Variants in CRPPA observed in about 807,000 individuals in gnomAD.
CRPPA encodes the protein CDP-L-ribitol pyrophosphorylase A.
Under a neutral mutation model 52.0 loss-of-function variants are expected in CRPPA, and 43 were observed. The observed-to-expected ratio is 0.83, with a 90% CI of 0.65 to 1.07. The LOEUF (loss-of-function observed/expected upper bound fraction) is 1.07, where lower values mean the gene tolerates loss of function less well. Among genes scored for constraint, CRPPA ranks in the 50% least tolerant of loss-of-function variants. The pLI is 0.00. For synonymous variants in CRPPA, 250 were observed against 203.5 expected (o/e 1.23, Z -1.94); for missense variants, 629 against 551.7 (o/e 1.14, Z -1.40).
At chr7:16,160,618 T>A (rs1432778489) in intron 9 of CRPPA, among the ~76,000 whole-genome samples, 4 of 152,156 alleles carry the variant, frequency 2.6e-5, no homozygotes, top group Admixed American at 6.5e-5. Context: ...GCTTTGTTCT[T>A]TTTGCTTAGG....
chr7:16,133,323 A>T (rs1782711336), intron 9 of CRPPA, among the ~76,000 whole-genome samples: 1 of 122,688 alleles, frequency 8.2e-6, no homozygotes, highest in African/African-American at 2.6e-5. Flanking sequence ...TCTCAAAAAA[A>T]AAAAAGGTAA....
intron 3 of CRPPA, among the ~76,000 whole-genome samples, chr7:16,334,693 G>T (rs937713225): frequency 2.6e-5 from 4 of 152,120 alleles, no homozygotes; most frequent in African/African-American, 7.2e-5. Context: ...TTGAGCCAGT[G>T]ATCTTACCAG....
intron 8 of CRPPA, among the ~76,000 whole-genome samples, chr7:16,241,741 A>G (rs1783112786): frequency 6.6e-6 from 1 of 152,044 alleles, no homozygotes; most frequent in African/African-American, 2.4e-5. Flanking sequence ...ACTTTATTTT[A>G]CTTTTTGGAT....
intron 9 of CRPPA, among the ~76,000 whole-genome samples, chr7:16,096,012 G>C: frequency 6.6e-6 from 1 of 152,050 alleles, no homozygotes; most frequent in East Asian, 1.9e-4. Context: ...AAGACGCCTT[G>C]GTGAACACCC....
chr7:16,339,429 C>A, intron 3 of CRPPA, among the ~76,000 whole-genome samples: 1 of 151,966 alleles, frequency 6.6e-6, no homozygotes, highest in Non-Finnish European at 1.5e-5. Context: ...TAACAATAAG[C>A]TGAAGGAGAA....
intron 1 of CRPPA, among the ~76,000 whole-genome samples, chr7:16,406,926 T>G (rs551280068): frequency 5.3e-5 from 8 of 152,302 alleles, no homozygotes; most frequent in Admixed American, 4.6e-4. Context: ...TTACAATTCA[T>G]GAAATAGGAT....
chr7:16,308,914 G>T (rs1784975502), intron 3 of CRPPA, among the ~76,000 whole-genome samples: 1 of 152,138 alleles, frequency 6.6e-6, no homozygotes, highest in South Asian at 2.1e-4. Context: ...GTAATACTTT[G>T]TTTCCTTTGC....
chr7:16,320,138 C>G (rs575177250), intron 3 of CRPPA, among the ~76,000 whole-genome samples: 22 of 152,174 alleles, frequency 1.4e-4, no homozygotes, highest in Non-Finnish European at 2.8e-4. Flanking sequence ...TAATCCCTTT[C>G]TAGTAGCTTT....
intron 5 of CRPPA, among the ~76,000 whole-genome samples, chr7:16,291,850 T>A (rs1018428652): frequency 6.6e-6 from 1 of 152,022 alleles, no homozygotes. Context: ...ACATACCAAT[T>A]TTTAAAAATC....
At chr7:16,315,561 T>C (rs1395816555) in intron 3 of CRPPA, among the ~76,000 whole-genome samples, 1 of 152,096 alleles carries the variant, frequency 6.6e-6, no homozygotes, top group Non-Finnish European at 1.5e-5. Context: ...GTTTAGGCCT[T>C]TATAAGACAA....
At chr7:16,312,362 T>C (rs1785052941) in intron 3 of CRPPA, among the ~76,000 whole-genome samples, 1 of 152,008 alleles carries the variant, frequency 6.6e-6, no homozygotes, top group African/African-American at 2.4e-5. Context: ...AGTATCATTT[T>C]GGGGGTTGCT....
At chr7:16,139,341 C>A (rs1782823002) in intron 9 of CRPPA, among the ~76,000 whole-genome samples, 1 of 152,144 alleles carries the variant, frequency 6.6e-6, no homozygotes, top group Admixed American at 6.5e-5. Context: ...CCTACCTGTT[C>A]ATGCCAGAAT....
Position 16,301,419 on chromosome 7 carries a change from A to G in CRPPA, c.835+2T>C, listed in dbSNP as rs773325665. ...AACTGACAGTCATAAGGCCAAACAT[A>G]CCCTTAATAATCGATTCAGCCGCAT... On this transcript the variant is annotated splice_donor_variant, in intron 5 of 9. Transcript: ENST00000407010. LOFTEE classifies it high-confidence loss of function. 1.1e-5 allele frequency: 18 copies of G among 1,611,270 alleles called. No homozygotes were observed. In the African/African-American group the frequency reaches 1.2e-4, roughly 11 times the overall value.
At chr7:16,251,967 TAGAC>T (rs1469716988) in intron 8 of CRPPA, among the ~76,000 whole-genome samples, 16 of 151,740 alleles carry the variant, frequency 1.1e-4, no homozygotes, top group African/African-American at 2.4e-4. Flanking sequence ...ATTGAGAAAA[TAGAC>T]AGACCGCTAG....
intron 3 of CRPPA, among the ~76,000 whole-genome samples, chr7:16,338,881 T>C (rs1371469563): frequency 1.3e-5 from 2 of 150,430 alleles, no homozygotes; most frequent in African/African-American, 4.9e-5. Flanking sequence ...AGTGGCATGA[T>C]CTCGGCTCAC....
intron 3 of CRPPA, among the ~76,000 whole-genome samples, chr7:16,317,785 G>A (rs1241762867): frequency 6.6e-6 from 1 of 152,120 alleles, no homozygotes; most frequent in Non-Finnish European, 1.5e-5. Flanking sequence ...TAAATTATAT[G>A]TGAGTTCTAT....
intron 5 of CRPPA, among the ~76,000 whole-genome samples, chr7:16,293,808 G>T (rs1784612654): frequency 6.6e-6 from 1 of 151,968 alleles, no homozygotes; most frequent in African/African-American, 2.4e-5. Flanking sequence ...TTTTAAGTGA[G>T]TCACTGAATA....
chr7:16,296,349 A>T lies in CRPPA; in HGVS notation c.835+5072T>A, dbSNP rs75409525. ...CCTAACATCAAAATTCCCATACTAA[A>T]CCAAAGATGTTGACTTGAACATAAA... On this transcript the variant is annotated intron_variant, in intron 5 of 9. Coordinates refer to ENST00000407010, the MANE Select transcript of CRPPA (RefSeq NM_001101426.4). 6.3e-3 allele frequency among the ~76,000 whole-genome samples: 965 copies of T among 152,202 alleles called. 12 individuals are homozygous for T. The highest frequency in any genetic ancestry group is 0.022 in the African/African-American group (921 of 41,534).
chr7:16,298,674 G>A (rs1480375752), intron 5 of CRPPA, among the ~76,000 whole-genome samples: 12 of 152,136 alleles, frequency 7.9e-5, no homozygotes, highest in Admixed American at 6.5e-4. Flanking sequence ...ATTACATCTG[G>A]CTAAGGGATC....
Sources: gnomAD v4.1 joint callset for allele counts (sites outside exome capture counted in the v4.1 genomes callset) on GRCh38, gnomAD v4.1.1 for gene constraint, MANE v1.5 for transcripts, NCBI Gene and HGNC (gene_info 2026-07-23, HGNC 2026-07-21) for gene names.